The following ABCA8 variants were observed in gnomAD, a reference collection of about 807,000 sequenced individuals.
ABCA8 encodes the protein ABC-type organic anion transporter ABCA8.
Under a neutral mutation model 192.3 loss-of-function variants are expected in ABCA8, and 177 were observed. The ratio of observed to expected loss-of-function variants is 0.92; its 90% CI spans 0.81 to 1.04. The LOEUF is 1.04. Ranked by LOEUF, ABCA8 falls within the 50% of genes least tolerant of loss-of-function variation. The probability of loss-of-function intolerance (pLI) is 0.00; values close to 1 mark genes in which losing one functional copy is unlikely to be tolerated. For missense variants in ABCA8, 1,915 were observed against 1,904.8 expected, an observed-to-expected ratio of 1.01 and a Z score of -0.10; for synonymous variants, 642 against 690.2, an observed-to-expected ratio of 0.93 and a Z score of 1.09.
At chr17:68,900,615 C>T (rs1275595273) in intron 21 of ABCA8, among the ~76,000 whole-genome samples, 1 of 148,218 alleles carries the variant, frequency 6.7e-6, no homozygotes, top group Non-Finnish European at 1.5e-5. Flanking sequence ...ACCCTGATAT[C>T]TAAAGACATT....
At chr17:68,931,304 C>A (rs908127762) in intron 7 of ABCA8, among the ~76,000 whole-genome samples, 1 of 152,216 alleles carries the variant, frequency 6.6e-6, no homozygotes, top group African/African-American at 2.4e-5. Context: ...GCAAACATTA[C>A]ACCAATGACA....
At position 68,868,310 on chromosome 17, in the gene ABCA8, G is replaced by T. The variant is rs760440606; in HGVS notation, c.4758C>A (p.Thr1586=). The T allele has an allele frequency of 6.2e-7, 1 of 1,613,640 alleles. No individual in the cohort carries two copies. The highest frequency in any genetic ancestry group is 1.1e-5 in the South Asian group (1 of 91,066). Residue 1586 remains threonine (T), a synonymous_variant, in exon 39 of 40, where the codon ACC becomes ACA. Transcript: ENST00000586539. ...CCTAAAAATGACCCACCTGCTCCAGGGTAGACTGTGAGAGGCTGTACTCCT... is the reference window on the plus strand; with the variant it reads ...CCTAAAAATGACCCACCTGCTCCAGTGTAGACTGTGAGAGGCTGTACTCCT... ...DLEEYSLSQS[T]LEQVFLELSK...
chr17:68,935,163 C>T (rs557774914), intron 5 of ABCA8, among the ~76,000 whole-genome samples: 2 of 149,462 alleles, frequency 1.3e-5, no homozygotes, highest in South Asian at 2.1e-4. Flanking sequence ...GGTGCAATCT[C>T]GGCTCACTGC....
At position 68,932,269 on chromosome 17, in the gene ABCA8, T is replaced by C; in HGVS notation, c.797+19A>G. Reference sequence around the variant, plus strand: ...TCCTGAGTTCCTCCGTTTATTTATTTGTGCTGCGTTTGACTCACCAGAACG... The same window carrying C: ...TCCTGAGTTCCTCCGTTTATTTATTCGTGCTGCGTTTGACTCACCAGAACG... On this transcript the variant is annotated intron_variant, in intron 7 of 39. Coordinates refer to ENST00000586539, the MANE Select transcript of ABCA8 (RefSeq NM_001288985.2). 6.4e-7 allele frequency: 1 copy of C among 1,562,966 alleles called. No individual in the cohort carries two copies. Among genetic ancestry groups the C allele is most frequent in the Non-Finnish European group, 8.7e-7 (1 of 1,143,166 alleles).
intron 29 of ABCA8, among the ~76,000 whole-genome samples, chr17:68,883,019 G>T (rs1226420310): frequency 6.6e-6 from 1 of 152,054 alleles, no homozygotes; most frequent in Non-Finnish European, 1.5e-5. Context: ...TGTTTTCATG[G>T]GGAAAATGGG....
intron 17 of ABCA8, among the ~76,000 whole-genome samples, chr17:68,916,043 G>A (rs928273621): frequency 1.3e-5 from 2 of 151,992 alleles, no homozygotes; most frequent in East Asian, 1.9e-4. Flanking sequence ...AACTTCATAC[G>A]TTTTCATTCG....
chr17:68,911,225 A>G lies in ABCA8; in HGVS notation c.2139-3346T>C, dbSNP rs1310209600. Among the ~76,000 whole-genome samples the G allele has an allele frequency of 2.0e-5, 3 of 151,826 alleles. No individual in the cohort carries two copies. The highest frequency in any genetic ancestry group is 4.4e-5 in the Non-Finnish European group (3 of 67,952). On this transcript the variant is annotated intron_variant, in intron 17 of 39. Transcript: ENST00000586539. This position sits in a 1 kb window ranked among gnomAD's most constrained non-coding sequence, Gnocchi z 5.7. Reference sequence around the variant, plus strand: ...GCCCATTGCCCTGAAGGGAGCTGCTACCCAGGCCTGGCAGCATGTACTACA... The same window carrying G: ...GCCCATTGCCCTGAAGGGAGCTGCTGCCCAGGCCTGGCAGCATGTACTACA...
intron 29 of ABCA8, among the ~76,000 whole-genome samples, chr17:68,883,433 A>G (rs759642650): frequency 2.0e-5 from 3 of 152,188 alleles, no homozygotes; most frequent in Non-Finnish European, 2.9e-5. Flanking sequence ...GAACACAGCT[A>G]TTGCTGTCCT....
At position 68,868,199 on chromosome 17, in the gene ABCA8, G is replaced by A; in HGVS notation, c.4768-16C>T. ...CCAGGAAAACCTGAAAGGGAGGAAG[G>A]AAATAAAGAGAGGAGAACAATGCCG... On this transcript the variant is annotated splice_polypyrimidine_tract_variant and intron_variant, in intron 39 of 39. Coordinates refer to ENST00000586539, the MANE Select transcript of ABCA8 (RefSeq NM_001288985.2). 1 of 1,611,306 alleles carries A rather than the reference G, an allele frequency of 6.2e-7. No individual in the cohort carries two copies. The highest frequency in any genetic ancestry group is 8.5e-7 in the Non-Finnish European group (1 of 1,178,112).
In ABCA8 at chr17:68,922,227, T is replaced by TAAC; in HGVS notation, c.1501+14_1501+15insGTT. 2.3e-6 allele frequency: 1 copy of TAAC among 437,520 alleles called. No homozygotes were observed. The highest frequency in any genetic ancestry group is 3.3e-5 in the African/African-American group (1 of 30,288). 27.1% of individuals were successfully genotyped at this position (437,520 alleles called of 1,614,324 possible). ...TTTTTTTTTTTTTTTTTTTTTTTTT[T>TAAC]TTTTTTTTTTTTACCTTTCAAGGCT... On this transcript the variant is annotated intron_variant, in intron 12 of 39. Coordinates refer to ENST00000586539, the MANE Select transcript of ABCA8 (RefSeq NM_001288985.2).
At chr17:68,877,946 A>G (rs946461313) in intron 32 of ABCA8, 15 of 348,056 alleles carry the variant, frequency 4.3e-5, no homozygotes, top group Non-Finnish European at 7.7e-5. Context: ...CCAACAGTTT[A>G]TATCCATTTT....
At chr17:68,878,014 T>G (rs1331562570) in intron 32 of ABCA8, 1 of 197,520 alleles carries the variant, frequency 5.1e-6, no homozygotes, top group Admixed American at 5.9e-5. Context: ...ACTTCGCTCA[T>G]GGATCAACAT....
intron 2 of ABCA8, among the ~76,000 whole-genome samples, chr17:68,945,739 G>A (rs1243682276): frequency 1.3e-5 from 2 of 151,706 alleles, no homozygotes; most frequent in South Asian, 2.1e-4. Flanking sequence ...CCTTCTTTCC[G>A]TATTCATTTG....
chr17:68,919,603 C>T (rs1341689326), intron 13 of ABCA8, 127 bp from the exon 14 acceptor site: 3 of 797,934 alleles, frequency 3.8e-6, no homozygotes, highest in Non-Finnish European at 5.8e-6. Flanking sequence ...GAAACTTCTA[C>T]TTTAGTTGCA....
Position 68,885,772 on chromosome 17 carries a change from A to G in ABCA8, c.3430-457T>C, listed in dbSNP as rs376310827. ...ACCATGTTGCTCAGGCTGGCCTTGA[A>G]TTCTTGGGCTCAAGTGATCCACTGA... On this transcript the variant is annotated intron_variant, in intron 26 of 39. Transcript: ENST00000586539. 5.3e-5 allele frequency among the ~76,000 whole-genome samples: 8 copies of G among 152,176 alleles called. No individual in the cohort carries two copies. The East Asian group carries it at 1.3e-3, about 26-fold the overall frequency.
Position 68,952,650 on chromosome 17 carries a change from C to T in ABCA8, c.-167+2569G>A, listed in dbSNP as rs143626178. ...TCCTCCTGTACAGGGCTTGCATTGG[C>T]GGCAGCTGCTTTAAGAACCCAGAAA... On this transcript the variant is annotated intron_variant, in intron 1 of 39. Coordinates refer to ENST00000586539, the MANE Select transcript of ABCA8 (RefSeq NM_001288985.2). Among the ~76,000 whole-genome samples the T allele has an allele frequency of 2.7e-3, 418 of 152,204 alleles. 4 individuals carry two copies. The highest frequency in any genetic ancestry group is 0.013 in the Admixed American group (200 of 15,286).
chr17:68,921,099 G>A (rs2067520199), intron 13 of ABCA8, among the ~76,000 whole-genome samples: 1 of 151,694 alleles, frequency 6.6e-6, no homozygotes, highest in Admixed American at 6.6e-5. Flanking sequence ...CTATTGCAAG[G>A]ACAAAAAACC....
chr17:68,946,945 AAGAGAGAG>A (rs60347168), intron 2 of ABCA8, among the ~76,000 whole-genome samples: 3 of 150,056 alleles, frequency 2.0e-5, no homozygotes, highest in South Asian at 2.1e-4. Context: ...CATCAAAAGA[AAGAGAGAG>A]AGAGAGAGAG....
chr17:68,895,364 A>T (rs1477886926), intron 21 of ABCA8, among the ~76,000 whole-genome samples: 2 of 151,018 alleles, frequency 1.3e-5, no homozygotes, highest in Non-Finnish European at 2.9e-5. Context: ...CTAGATTATT[A>T]ATTAATTTTC....
Sources: allele counts gnomAD v4.1 joint callset (sites outside exome capture counted in the v4.1 genomes callset), GRCh38; gene constraint gnomAD v4.1.1; non-coding constraint Gnocchi (gnomAD v3.1); transcripts MANE v1.5; gene names NCBI Gene and HGNC (gene_info 2026-07-23, HGNC 2026-07-21).